LNPEP: variants seen among roughly 807,000 people sequenced by gnomAD.
The protein encoded by LNPEP is leucyl and cystinyl aminopeptidase.
Under a neutral mutation model 120.6 loss-of-function variants are expected in LNPEP, and 64 were observed. That is an observed-to-expected ratio of 0.53 (90% CI 0.43 to 0.65). The LOEUF (loss-of-function observed/expected upper bound fraction) is 0.65, where lower values mean the gene tolerates loss of function less well. Among genes scored for constraint, LNPEP ranks in the 30% least tolerant of loss-of-function variants. LNPEP has a pLI of 0.00. For synonymous variants in LNPEP, 435 were observed against 425.4 expected (o/e 1.02, Z -0.28); for missense variants, 1,057 against 1,200.0 (o/e 0.88, Z 1.76).
chr5:96,949,894 T>C (rs1444404555), intron 1 of LNPEP, among the ~76,000 whole-genome samples: 2 of 152,206 alleles, frequency 1.3e-5, no homozygotes, highest in African/African-American at 4.8e-5. Context: ...TAGAGGTCAG[T>C]CAGTCTGTCT....
At chr5:96,976,387 G>A (rs1789996318) in intron 1 of LNPEP, among the ~76,000 whole-genome samples, 1 of 152,104 alleles carries the variant, frequency 6.6e-6, no homozygotes, top group South Asian at 2.1e-4. Context: ...TTTGGATTTA[G>A]GCAGGCATCT....
intron 8 of LNPEP, among the ~76,000 whole-genome samples, chr5:97,000,025 G>A (rs143261543): frequency 6.6e-6 from 1 of 152,258 alleles, no homozygotes; most frequent in East Asian, 1.9e-4. Context: ...TCTAGGTGCT[G>A]GGGTTATATC....
At chr5:97,004,978 C>G (rs1242303573) in intron 9 of LNPEP, among the ~76,000 whole-genome samples, 1 of 152,112 alleles carries the variant, frequency 6.6e-6, no homozygotes, top group African/African-American at 2.4e-5. Flanking sequence ...TAACATTATC[C>G]TCAGGTTTTT....
rs1213026721 is a variant in LNPEP, at chr5:97,013,792, A to C, written c.2180A>C (p.Asp727Ala). The C allele has an allele frequency of 3.7e-6, 6 of 1,606,866 alleles. No homozygotes were observed. ...KINPYVLSDK[D>A]RANLINNIFE... ...AATCCTTATGTTCTGAGTGACAAAG[A>C]CCGAGCCAACCTTATCAACAACATC... is the stretch of plus-strand genomic sequence containing the variant. The change falls in exon 12 of 18, where the codon GAC (aspartate) becomes GCC (alanine). Residue 727 changes from aspartate (D) to alanine (A), a missense_variant. By Grantham distance (126) the Asp-to-Ala change is moderately radical (BLOSUM62 -2). Transcript: ENST00000231368.
At chr5:96,940,555 G>A (rs747051083) in intron 1 of LNPEP, among the ~76,000 whole-genome samples, 32 of 151,892 alleles carry the variant, frequency 2.1e-4, no homozygotes, top group Non-Finnish European at 3.8e-4. Context: ...AAACACAGAA[G>A]AAATAAAAAA....
intron 3 of LNPEP, among the ~76,000 whole-genome samples, chr5:96,986,096 C>T (rs910678377): frequency 1.3e-5 from 2 of 152,130 alleles, no homozygotes; most frequent in African/African-American, 4.8e-5. Flanking sequence ...ACTAAGCTTT[C>T]TTGGGGGTCC....
At chr5:96,992,289 T>C (rs781219225) in intron 4 of LNPEP, among the ~76,000 whole-genome samples, 1 of 152,176 alleles carries the variant, frequency 6.6e-6, no homozygotes, top group Non-Finnish European at 1.5e-5. Context: ...TGGTTGGTTT[T>C]AGTTCTGTGT....
intron 1 of LNPEP, among the ~76,000 whole-genome samples, chr5:96,966,772 G>T (rs187146134): frequency 6.6e-6 from 1 of 152,036 alleles, no homozygotes; most frequent in Admixed American, 6.6e-5. Flanking sequence ...AAATAATTAG[G>T]TTAGAAGCTT....
At chr5:96,956,796 C>T (rs1282153284) in intron 1 of LNPEP, among the ~76,000 whole-genome samples, 1 of 152,212 alleles carries the variant, frequency 6.6e-6, no homozygotes, top group Non-Finnish European at 1.5e-5. Flanking sequence ...TATTGCCCTA[C>T]ATGTCCTTGA....
At chr5:97,024,401 T>G in intron 14 of LNPEP, 120 bp from the exon 15 acceptor site, 1 of 858,076 alleles carries the variant, frequency 1.2e-6, no homozygotes, top group South Asian at 1.6e-5. Flanking sequence ...CCCTAAATTG[T>G]GTACTCAAAC....
intron 13 of LNPEP, among the ~76,000 whole-genome samples, chr5:97,015,534 T>C (rs1176237951): frequency 6.6e-6 from 1 of 152,146 alleles, no homozygotes; most frequent in Non-Finnish European, 1.5e-5. Flanking sequence ...ATAATGATGC[T>C]GGTGGATATG....
intron 17 of LNPEP, 150 bp from the exon 18 acceptor site, chr5:97,028,252 T>C (rs1402524446): frequency 1.7e-5 from 12 of 707,060 alleles, no homozygotes; most frequent in Non-Finnish European, 2.9e-5. Context: ...GAACTCCATG[T>C]AGATACCTTG....
At chr5:96,944,427 A>G (rs546984331) in intron 1 of LNPEP, among the ~76,000 whole-genome samples, 1 of 152,248 alleles carries the variant, frequency 6.6e-6, no homozygotes, top group South Asian at 2.1e-4. Context: ...GACAGAAGTT[A>G]TAGGCAGACA....
At chr5:97,010,329 A>G (rs1308815089) in intron 11 of LNPEP, 1 of 981,788 alleles carries the variant, frequency 1.0e-6, no homozygotes, top group East Asian at 1.1e-4. Flanking sequence ...CTGCTGTGAA[A>G]GTTAAAGATA....
At chr5:96,951,004 C>A (rs1434827055) in intron 1 of LNPEP, among the ~76,000 whole-genome samples, 1 of 152,182 alleles carries the variant, frequency 6.6e-6, no homozygotes, top group African/African-American at 2.4e-5. Context: ...AGTCCAAGAT[C>A]AAGGGGCCAC....
intron 1 of LNPEP, chr5:96,958,466 A>G (rs1561431593): frequency 1.0e-6 from 1 of 984,514 alleles, no homozygotes; most frequent in African/African-American, 1.8e-5. Flanking sequence ...TAACTCCACT[A>G]AGTACAGAAG....
chr5:97,015,928 G>T (rs1791056415), intron 13 of LNPEP, among the ~76,000 whole-genome samples: 1 of 151,800 alleles, frequency 6.6e-6, no homozygotes, highest in South Asian at 2.1e-4. Flanking sequence ...TAAGTTCTAG[G>T]GTACATGTGC....
At chr5:96,965,283 G>A (rs1161132177) in intron 1 of LNPEP, among the ~76,000 whole-genome samples, 1 of 151,672 alleles carries the variant, frequency 6.6e-6, no homozygotes, top group Non-Finnish European at 1.5e-5. Context: ...TTTTACATGT[G>A]GATATGTGTT....
chr5:96,965,336 A>AT (rs539743282), intron 1 of LNPEP, among the ~76,000 whole-genome samples: 94 of 151,768 alleles, frequency 6.2e-4, no homozygotes, highest in Non-Finnish European at 1.1e-3. Context: ...AAAAAAAAAA[A>AT]GTAGATTGAG....
Sources: gnomAD v4.1 joint callset for allele counts (sites outside exome capture counted in the v4.1 genomes callset) on GRCh38, gnomAD v4.1.1 for gene constraint, MANE v1.5 for transcripts, NCBI Gene and HGNC (gene_info 2026-07-23, HGNC 2026-07-21) for gene names.